Variants in UGT2B28 observed in about 807,000 individuals in gnomAD.
The protein encoded by UGT2B28 is UDP glucuronosyltransferase family 2 member B28.
In UGT2B28, 45 loss-of-function variants were observed where a neutral mutation model predicts 43.6. That is an observed-to-expected ratio of 1.03 (90% CI 0.81 to 1.32). UGT2B28 has a LOEUF of 1.32. Ranked by LOEUF, UGT2B28 falls within the 40% of genes most tolerant of loss-of-function variation. UGT2B28 has a pLI of 0.00. For missense variants in UGT2B28, 649 were observed against 625.5 expected (o/e 1.04, Z -0.40); for synonymous variants, 204 against 208.1 (o/e 0.98, Z 0.17).
In UGT2B28 at chr4:69,286,010, G is replaced by C. The variant is rs1243205707; in HGVS notation, c.871-742G>C. Among the ~76,000 whole-genome samples, 2 of 141,118 alleles carry C rather than the reference G, an allele frequency of 1.4e-5. 1 individual carries two copies. Among genetic ancestry groups the C allele is most frequent in the Non-Finnish European group, 3.0e-5 (2 of 65,960 alleles). 92.6% of individuals were successfully genotyped at this position (141,118 alleles called of 152,430 possible). ...CTCCACCTAAACAATAACCTGAAAGGTACAATTATTCAACAACTAACTATA... is the reference window on the plus strand; with the variant it reads ...CTCCACCTAAACAATAACCTGAAAGCTACAATTATTCAACAACTAACTATA... On this transcript the variant is annotated intron_variant, in intron 2 of 5. Coordinates refer to ENST00000335568, the MANE Select transcript of UGT2B28 (RefSeq NM_053039.2).
intron 2 of UGT2B28, among the ~76,000 whole-genome samples, chr4:69,286,050 G>C (rs1270640406): frequency 7.1e-6 from 1 of 141,272 alleles, no homozygotes; most frequent in African/African-American, 2.8e-5. Flanking sequence ...CTACAATTCT[G>C]TATGATAAAT....
At chr4:69,293,366 T>A (rs1403641528) in intron 5 of UGT2B28, among the ~76,000 whole-genome samples, 1 of 140,726 alleles carries the variant, frequency 7.1e-6, no homozygotes, top group East Asian at 2.0e-4. Flanking sequence ...ATGTTCAAGA[T>A]GATCTTCCAT....
rs561845520 is a variant in UGT2B28, at chr4:69,289,884, A to C, written c.1090+132A>C. 42 of 991,200 alleles carry C rather than the reference A, an allele frequency of 4.2e-5. 5 individuals carry two copies. In the Admixed American group the frequency reaches 1.3e-3, roughly 32 times the overall value. 61.4% of individuals were successfully genotyped at this position (991,200 alleles called of 1,614,324 possible). On this transcript the variant is annotated intron_variant, in intron 4 of 5. Coordinates refer to ENST00000335568, the MANE Select transcript of UGT2B28 (RefSeq NM_053039.2). The stretch of plus-strand genomic sequence containing the variant: ...AAGAACTTCTTTGTATTTATTTTCC[A>C]GTCCTAGGGGAAAAGAATATGGTAG...
At chr4:69,287,625 T>C (rs555118888) in intron 3 of UGT2B28, among the ~76,000 whole-genome samples, 2 of 139,360 alleles carry the variant, frequency 1.4e-5, no homozygotes, top group Non-Finnish European at 3.1e-5. Flanking sequence ...TAAAATATGG[T>C]CCCACAAGGA....
In UGT2B28 at chr4:69,282,654, C is replaced by T; in HGVS notation, c.862C>T (p.Leu288=). 4.5e-6 allele frequency: 7 copies of T among 1,548,982 alleles called. 1 individual carries two copies. The highest frequency in any genetic ancestry group is 1.8e-4 in the Middle Eastern group (1 of 5,666). Residue 288 remains leucine, a synonymous_variant, in exon 2 of 6, where the codon CTA becomes TTA. Coordinates refer to ENST00000335568, the MANE Select transcript of UGT2B28 (RefSeq NM_053039.2). ...GGLHCKPAKP[L]PKEMEEFVQS... is the part of the protein sequence containing the mutation. The stretch of plus-strand genomic sequence containing the variant: ...ACTCCACTGCAAACCTGCCAAACCC[C>T]TACCTAAGGTAAACATACTTTCGTT...
chr4:69,290,615 A>G lies in UGT2B28; in HGVS notation c.1114A>G (p.Ile372Val), dbSNP rs539898086. ...LLGLPKTRAF[I>V]THGGANGIYE... ...AGGTCTTCCAAAAACCAGAGCTTTT[A>G]TAACTCATGGTGGAGCCAATGGCAT... Residue 372 changes from isoleucine (I) to valine (V), a missense_variant, in exon 5 of 6, where the codon ATA (isoleucine) becomes GTA (valine). Transcript: ENST00000335568. 1.9e-6 allele frequency: 3 copies of G among 1,558,652 alleles called. No homozygotes were observed. The highest frequency in any genetic ancestry group is 2.6e-6 in the Non-Finnish European group (3 of 1,154,578).
chr4:69,288,641 T>C lies in UGT2B28; in HGVS notation c.1003-1024T>C, dbSNP rs1279219191. Among the ~76,000 whole-genome samples the C allele has an allele frequency of 3.9e-4, 55 of 140,068 alleles. 10 individuals carry two copies. Among genetic ancestry groups the C allele is most frequent in the African/African-American group, 9.5e-4 (34 of 35,968 alleles). 91.9% of individuals were successfully genotyped at this position (140,068 alleles called of 152,430 possible). A position where few individuals can be genotyped will look rare whatever the true frequency, so the allele number is the denominator to read the frequency against. On this transcript the variant is annotated intron_variant, in intron 3 of 5. Transcript: ENST00000335568. The stretch of plus-strand genomic sequence containing the variant: ...GGAGTACATGTGCAGGTTTTTTACA[T>C]AGGTAAACTTGTGTCATGGGGTTTT...
intron 1 of UGT2B28, 125 bp from the exon 2 acceptor site, chr4:69,282,389 A>T: frequency 2.2e-6 from 2 of 926,364 alleles, no homozygotes; most frequent in East Asian, 3.2e-5. Flanking sequence ...GAATATATGT[A>T]TATATTTTTC....
In UGT2B28 at chr4:69,282,993, T is replaced by C. The variant is rs1241426208; in HGVS notation, c.870+331T>C. ...CACAAAACACAAGTAAGTGCAGAAA[T>C]TTCAGAGAAAAAAAATAGACAGTTT... On this transcript the variant is annotated intron_variant, in intron 2 of 5. Coordinates refer to ENST00000335568, the MANE Select transcript of UGT2B28 (RefSeq NM_053039.2). 1.4e-5 allele frequency among the ~76,000 whole-genome samples: 2 copies of C among 140,400 alleles called. 1 individual carries two copies. The highest frequency in any genetic ancestry group is 5.6e-5 in the African/African-American group (2 of 35,996). The allele number at this position is 140,400 out of a possible 152,430, so 92.1% of individuals were successfully genotyped here.
At position 69,280,863 on chromosome 4, in the gene UGT2B28, CAT is replaced by C; in HGVS notation, c.366_367del (p.Phe123Ter). The C allele has an allele frequency of 6.4e-7, 1 of 1,558,848 alleles. No individual in the cohort carries two copies. Among genetic ancestry groups the C allele is most frequent in the Non-Finnish European group, 8.7e-7 (1 of 1,155,408 alleles). ...AAGAAATCCTGTGGGAATTTCATGA[CAT>C]ATTTAGAAACTTCTGTAAAGATGTA... Reference protein sequence around the residue: ...EQEILWEFHDIFRNFCKDVVS... With the variant: ...EQEILWEFHDXFRNFCKDVVS... On this transcript the variant is annotated frameshift_variant, in exon 1 of 6. Transcript: ENST00000335568. LOFTEE classifies it high-confidence loss of function.
intron 5 of UGT2B28, among the ~76,000 whole-genome samples, chr4:69,292,367 T>C (rs1275529826): frequency 7.1e-6 from 1 of 140,234 alleles, no homozygotes; most frequent in Non-Finnish European, 1.5e-5. Context: ...TTAAAAATAC[T>C]TTATCCCAAA....
Position 69,294,704 on chromosome 4 carries a change from G to C in UGT2B28, c.1485G>C (p.Gly495=). 5 of 1,559,916 alleles carry C rather than the reference G, an allele frequency of 3.2e-6. 1 individual carries two copies. The highest frequency in any genetic ancestry group is 4.3e-6 in the Non-Finnish European group (5 of 1,155,456). Residue 495 remains glycine (G), a synonymous_variant, in exon 6 of 6, where the codon GGG becomes GGC. Transcript: ENST00000335568. Reference sequence around the variant, plus strand: ...AGTACCACTCTTTGGATGTGATTGGGTTTCTGCTGGCCTGTGTGGCAACTG... The same window carrying C: ...AGTACCACTCTTTGGATGTGATTGGCTTTCTGCTGGCCTGTGTGGCAACTG... ...WFQYHSLDVI[G]FLLACVATVI...
intron 5 of UGT2B28, among the ~76,000 whole-genome samples, chr4:69,293,344 C>T (rs1336902549): frequency 7.1e-6 from 1 of 140,434 alleles, no homozygotes; most frequent in Non-Finnish European, 1.5e-5. Context: ...TTGGTATCTT[C>T]ACCTCAAGAT....
In UGT2B28 at chr4:69,281,065, T is replaced by C; in HGVS notation, c.565T>C (p.Phe189Leu). The C allele has an allele frequency of 1.9e-6, 3 of 1,559,632 alleles. No individual in the cohort carries two copies. The highest frequency in any genetic ancestry group is 2.6e-6 in the Non-Finnish European group (3 of 1,155,334). The change falls in exon 1 of 6, where the codon TTC (phenylalanine) becomes CTC (leucine). Residue 189 changes from phenylalanine (F) to leucine (L), a missense_variant. Transcript: ENST00000335568. ...TIERHSGGLI[F>L]PPSYIPVVMS... ...TGAAAGGCACAGTGGAGGACTGATT[T>C]TCCCTCCTTCCTACATACCTGTTGT...
intron 3 of UGT2B28, among the ~76,000 whole-genome samples, chr4:69,288,826 A>T (rs1311973497): frequency 1.4e-5 from 2 of 140,390 alleles, no homozygotes; most frequent in Non-Finnish European, 3.0e-5. Flanking sequence ...CTTCCACTCA[A>T]AAGTGAGGAC....
In UGT2B28 at chr4:69,286,961, T is replaced by A. The variant is rs182456184; in HGVS notation, c.1002+78T>A. The A allele has an allele frequency of 1.6e-5, 24 of 1,521,862 alleles. 3 individuals are homozygous for A. Among genetic ancestry groups the A allele is most frequent in the Admixed American group, 9.9e-5 (5 of 50,468 alleles). The allele number at this position is 1,521,862 out of a possible 1,614,324, so 94.3% of individuals were successfully genotyped here. A position where few individuals can be genotyped will look rare whatever the true frequency, so the allele number is the denominator to read the frequency against. On this transcript the variant is annotated intron_variant, in intron 3 of 5. Coordinates refer to ENST00000335568, the MANE Select transcript of UGT2B28 (RefSeq NM_053039.2). Reference sequence around the variant, plus strand: ...GTTTGAGATCTACACAGAAAGAATATTAAGGCTAGACTGAACTCTTTACAG... The same window carrying A: ...GTTTGAGATCTACACAGAAAGAATAATAAGGCTAGACTGAACTCTTTACAG...
At chr4:69,288,940 A>G (rs1318013302) in intron 3 of UGT2B28, among the ~76,000 whole-genome samples, 1 of 140,754 alleles carries the variant, frequency 7.1e-6, no homozygotes, top group Non-Finnish European at 1.5e-5. Flanking sequence ...TTATGGCTGC[A>G]TAATATTCTG....
At position 69,293,573 on chromosome 4, in the gene UGT2B28, A is replaced by T. The variant is rs1455293928; in HGVS notation, c.1311-957A>T. 2.1e-5 allele frequency among the ~76,000 whole-genome samples: 3 copies of T among 140,170 alleles called. 1 individual carries two copies. The highest frequency in any genetic ancestry group is 1.4e-4 in the Admixed American group (2 of 13,890). 92.0% of individuals were successfully genotyped at this position (140,170 alleles called of 152,430 possible). A position where few individuals can be genotyped will look rare whatever the true frequency, so the allele number is the denominator to read the frequency against. On this transcript the variant is annotated intron_variant, in intron 5 of 5. Coordinates refer to ENST00000335568, the MANE Select transcript of UGT2B28 (RefSeq NM_053039.2). Reference sequence around the variant, plus strand: ...TCTCTTAGAGGTAACACTTAGAGGGAAGCCACAAAAAGGGAGAGAAGCATG... The same window carrying T: ...TCTCTTAGAGGTAACACTTAGAGGGTAGCCACAAAAAGGGAGAGAAGCATG...
In UGT2B28 at chr4:69,280,732, C is replaced by A. The variant is rs1723573831; in HGVS notation, c.232C>A (p.Pro78Thr). The A allele has an allele frequency of 3.2e-6, 5 of 1,560,862 alleles. No individual in the cohort carries two copies. Among genetic ancestry groups the A allele is most frequent in the Non-Finnish European group, 4.3e-6 (5 of 1,156,020 alleles). Residue 78 changes from proline (P) to threonine (T), a missense_variant, in exon 1 of 6, where the codon CCT becomes ACT. Physicochemically the swap from Pro to Thr is conservative, Grantham distance 38. Coordinates refer to ENST00000335568, the MANE Select transcript of UGT2B28 (RefSeq NM_053039.2). ...DAFTLKLEVY[P>T]TSLTKTEFEN... is the part of the protein sequence containing the mutation. ...ATTCACTCTTAAACTCGAAGTTTAT[C>A]CTACATCTTTAACTAAAACTGAATT...
Sources: allele counts gnomAD v4.1 joint callset (sites outside exome capture counted in the v4.1 genomes callset), GRCh38; gene constraint gnomAD v4.1.1; transcripts MANE v1.5; gene names NCBI Gene and HGNC (gene_info 2026-07-23, HGNC 2026-07-21).